Variants in ARPC2 observed in about 807,000 individuals in gnomAD.
ARPC2 encodes actin related protein 2/3 complex subunit 2.
ARPC2 carries 4 observed loss-of-function variants against 38.6 expected under a neutral mutation model. That is an observed-to-expected ratio of 0.10 (90% confidence interval 0.05 to 0.24). The LOEUF (loss-of-function observed/expected upper bound fraction) is 0.24, where lower values mean the gene tolerates loss of function less well. Ranked by LOEUF, ARPC2 falls within the 10% of genes least tolerant of loss-of-function variation. The pLI, the probability that ARPC2 is intolerant of heterozygous loss-of-function variation, is 1.00. For missense variants in ARPC2, 229 were observed against 387.3 expected (o/e 0.59, Z 3.43); for synonymous variants, 125 against 140.8 (o/e 0.89, Z 0.79).
At chr2:218,240,195 C>T (rs1490360013) in intron 7 of ARPC2, among the ~76,000 whole-genome samples, 1 of 148,952 alleles carries the variant, frequency 6.7e-6, no homozygotes, top group Non-Finnish European at 1.5e-5. Flanking sequence ...CCTCATGATC[C>T]GCCCGCCTCA....
intron 2 of ARPC2, 150 bp from the exon 3 acceptor site, chr2:218,225,770 G>A (rs1172817627): frequency 2.0e-5 from 13 of 649,950 alleles, no homozygotes; most frequent in Middle Eastern, 5.2e-4. Context: ...AGGTCCATGA[G>A]AAAATGAATT....
intron 9 of ARPC2, 177 bp from the exon 10 acceptor site, chr2:218,249,644 A>G (rs963293229): frequency 5.4e-6 from 4 of 742,438 alleles, no homozygotes; most frequent in African/African-American, 5.3e-5. Flanking sequence ...ATCCCTCCCT[A>G]TAGCAGAGAT....
At chr2:218,226,919 TTCA>T (rs1430704433) in intron 3 of ARPC2, 2 of 445,326 alleles carry the variant, frequency 4.5e-6, no homozygotes, top group Non-Finnish European at 9.1e-6. Context: ...TAGAGATGTG[TTCA>T]TCAAGTCAGA....
In ARPC2 at chr2:218,249,457, G is replaced by A; in HGVS notation, c.770G>A (p.Cys257Tyr). The A allele has an allele frequency of 6.2e-7, 1 of 1,604,482 alleles. No individual in the cohort carries two copies. The highest frequency in any genetic ancestry group is 8.5e-7 in the Non-Finnish European group (1 of 1,174,056). The stretch of plus-strand genomic sequence containing the variant: ...GACTACCTGCACTACCACATCAAGT[G>A]CTCTAAGGTGAGGGGGGTGCCAGCA... Reference protein sequence around the residue: ...FRDYLHYHIKCSKAYIHTRMR... With the variant: ...FRDYLHYHIKYSKAYIHTRMR... Residue 257 changes from cysteine to tyrosine, a missense_variant, in exon 9 of 11, where the codon TGC becomes TAC. Cys to Tyr is a radical substitution (Grantham distance 194). Around this residue, in one of 3 missense-constraint regions of ARPC2, gnomAD observed 92 missense variants for 152.3 expected, o/e 0.60. Coordinates refer to ENST00000315717, the MANE Select transcript of ARPC2 (RefSeq NM_152862.3).
intron 7 of ARPC2, among the ~76,000 whole-genome samples, chr2:218,244,371 G>A (rs541382072): frequency 1.6e-4 from 24 of 152,292 alleles, no homozygotes; most frequent in Admixed American, 2.6e-4. Flanking sequence ...CTTCCTGCCT[G>A]CAACTGGAAA....
At chr2:218,253,814 C>T in intron 10 of ARPC2, 77 bp from the exon 11 acceptor site, 2 of 1,506,336 alleles carry the variant, frequency 1.3e-6, no homozygotes, top group East Asian at 4.7e-5. Flanking sequence ...CTTTGGGATC[C>T]CATCTAGTCT....
At chr2:218,240,267 T>C (rs12987130) in intron 7 of ARPC2, among the ~76,000 whole-genome samples, 60,260 of 151,984 alleles carry the variant, frequency 0.4, 12,584 homozygotes, top group Middle Eastern at 0.52. Context: ...ATTTTTTTTC[T>C]CAGTGGTTTA....
intron 5 of ARPC2, among the ~76,000 whole-genome samples, chr2:218,237,657 C>T (rs529763118): frequency 6.6e-6 from 1 of 151,810 alleles, no homozygotes; most frequent in African/African-American, 2.4e-5. Context: ...ACCTCCACCT[C>T]CTGGGTTCAA....
chr2:218,230,073 C>T (rs561143050), intron 4 of ARPC2, among the ~76,000 whole-genome samples: 2 of 151,934 alleles, frequency 1.3e-5, no homozygotes, highest in East Asian at 3.9e-4. Context: ...TGGGTTCAAG[C>T]AGTTCATCTG....
intron 1 of ARPC2, 81 bp from the exon 2 acceptor site, chr2:218,217,382 G>A (rs536504719): frequency 2.2e-6 from 3 of 1,352,778 alleles, no homozygotes; most frequent in Admixed American, 1.7e-5. Flanking sequence ...CCCCACTCAG[G>A]GGGCAGCAGG....
At chr2:218,242,675 G>A (rs886743399) in intron 7 of ARPC2, among the ~76,000 whole-genome samples, 1 of 152,204 alleles carries the variant, frequency 6.6e-6, no homozygotes, top group Non-Finnish European at 1.5e-5. Context: ...GATTTCTCCT[G>A]ATCTGATAGG....
intron 7 of ARPC2, among the ~76,000 whole-genome samples, chr2:218,240,630 G>A (rs915001264): frequency 2.8e-4 from 43 of 152,096 alleles, no homozygotes; most frequent in African/African-American, 8.5e-4. Context: ...GGTGGCTGAC[G>A]CCTGTAATCC....
chr2:218,229,103 T>G (rs1288991883), intron 4 of ARPC2: 3 of 319,480 alleles, frequency 9.4e-6, no homozygotes, highest in Non-Finnish European at 1.8e-5. Context: ...ATACTTTTCC[T>G]TGATCAGTAC....
intron 4 of ARPC2, among the ~76,000 whole-genome samples, chr2:218,229,661 TTGTAAAGGAATA>T (rs1472976431): frequency 6.6e-6 from 1 of 152,224 alleles, no homozygotes. Context: ...AAAAGATGAT[TTGTAAAGGAATA>T]TGGTCAAAAG....
intron 5 of ARPC2, chr2:218,235,573 G>C (rs1167101038): frequency 1.3e-5 from 2 of 151,788 alleles, no homozygotes; most frequent in African/African-American, 4.8e-5. Flanking sequence ...AGATAACACT[G>C]TAGGCTTTTG....
chr2:218,219,354 C>T (rs1442460199), intron 2 of ARPC2, among the ~76,000 whole-genome samples: 2 of 151,332 alleles, frequency 1.3e-5, no homozygotes, highest in Non-Finnish European at 2.9e-5. Flanking sequence ...TTAGAACTTC[C>T]AGGACTTTTT....
At chr2:218,252,817 C>T (rs1257208383) in intron 10 of ARPC2, 8 of 440,804 alleles carry the variant, frequency 1.8e-5, no homozygotes, top group African/African-American at 8.1e-5. Context: ...AGTTGTGTAG[C>T]GGGCAGGGAT....
At chr2:218,235,043 A>G (rs1371576082) in intron 5 of ARPC2, 1 of 326,602 alleles carries the variant, frequency 3.1e-6, no homozygotes, top group Non-Finnish European at 6.0e-6. Flanking sequence ...AGTGAGAACC[A>G]GGTAGTAAGA....
intron 8 of ARPC2, among the ~76,000 whole-genome samples, chr2:218,246,927 G>A (rs553209530): frequency 6.6e-5 from 10 of 152,174 alleles, no homozygotes; most frequent in Non-Finnish European, 1.3e-4. Flanking sequence ...GCAGCAAGCC[G>A]AGATCATCCT....
Sources: gnomAD v4.1 joint callset for allele counts (sites outside exome capture counted in the v4.1 genomes callset) on GRCh38, gnomAD v4.1.1 for gene constraint, gnomAD v4.1.1 regional missense constraint, MANE v1.5 for transcripts, NCBI Gene and HGNC (gene_info 2026-07-23, HGNC 2026-07-21) for gene names.